The following CCDC15 variants were observed in gnomAD, a reference collection of about 807,000 sequenced individuals.
CCDC15 encodes coiled-coil domain containing 15.
CCDC15 carries 105 observed loss-of-function variants against 114.5 expected under a neutral mutation model. The observed-to-expected ratio is 0.92, with a 90% CI of 0.78 to 1.08. The LOEUF (loss-of-function observed/expected upper bound fraction) is 1.08. Among genes scored for constraint, CCDC15 ranks in the 50% least tolerant of loss-of-function variants. The pLI, the probability that CCDC15 is intolerant of heterozygous loss-of-function variation, is 0.00. For synonymous variants in CCDC15, 334 were observed against 377.8 expected, an observed-to-expected ratio of 0.88 and a Z score of 1.34; for missense variants, 1,105 against 1,093.6, an observed-to-expected ratio of 1.01 and a Z score of -0.15.
intron 13 of CCDC15, among the ~76,000 whole-genome samples, chr11:125,029,448 T>C (rs982010595): frequency 6.6e-5 from 10 of 152,222 alleles, no homozygotes; most frequent in Non-Finnish European, 1.0e-4. Context: ...AAAATACTAT[T>C]ACTTAAAGTT....
chr11:125,031,277 TC>T (rs1249231551), intron 13 of CCDC15, among the ~76,000 whole-genome samples: 1 of 152,202 alleles, frequency 6.6e-6, no homozygotes, highest in Non-Finnish European at 1.5e-5. Context: ...CAGGCCGTAG[TC>T]TTCTCTTCCT....
At chr11:124,972,731 T>G (rs938835317) in intron 4 of CCDC15, among the ~76,000 whole-genome samples, 9 of 152,162 alleles carry the variant, frequency 5.9e-5, no homozygotes, top group African/African-American at 1.9e-4. Context: ...AAAGTTTGTT[T>G]CTTGACATTT....
Position 124,954,904 on chromosome 11 carries a change from G to A in CCDC15, c.172G>A (p.Ala58Thr). Reference sequence around the variant, plus strand: ...CTCACCAGGTAGTTCGGAAATCCCAGCATATGTGAGTGTCAGTTTGATCCA... The same window carrying A: ...CTCACCAGGTAGTTCGGAAATCCCAACATATGTGAGTGTCAGTTTGATCCA... ...PASPGSSEIP[A>T]YTSAYLIEEE... Residue 58 changes from alanine (A) to threonine (T), a missense_variant, in exon 2 of 16, where the codon GCA becomes ACA. Physicochemically the swap from Ala to Thr is moderately conservative, Grantham distance 58 (BLOSUM62 0). Transcript: ENST00000344762. The A allele has an allele frequency of 1.2e-6, 2 of 1,613,880 alleles. No individual in the cohort carries two copies. Among genetic ancestry groups the A allele is most frequent in the South Asian group, 2.2e-5 (2 of 91,084 alleles).
intron 8 of CCDC15, among the ~76,000 whole-genome samples, chr11:124,989,428 G>A (rs1470448199): frequency 1.3e-5 from 2 of 152,188 alleles, no homozygotes; most frequent in African/African-American, 2.4e-5. Flanking sequence ...CGGGTCCTAG[G>A]ACTTTTGGAA....
Position 124,959,105 on chromosome 11 carries a change from A to T in CCDC15, c.178-10A>T. The T allele has an allele frequency of 1.3e-6, 2 of 1,534,372 alleles. No individual in the cohort carries two copies. The highest frequency in any genetic ancestry group is 2.6e-5 in the South Asian group (2 of 77,230). ...CATTTAAGTTCATTTTCTGTCTTTC[A>T]TCTTTAAAGACATCAGCATATTTAA... On this transcript the variant is annotated splice_polypyrimidine_tract_variant and intron_variant, in intron 2 of 15. Transcript: ENST00000344762.
chr11:124,962,797 G>A (rs1051608150), intron 4 of CCDC15, among the ~76,000 whole-genome samples: 4 of 151,958 alleles, frequency 2.6e-5, no homozygotes, highest in African/African-American at 7.3e-5. Flanking sequence ...ATCCCTCCCC[G>A]CTTCCCACCA....
intron 4 of CCDC15, among the ~76,000 whole-genome samples, chr11:124,962,341 G>A (rs1173544636): frequency 2.0e-5 from 3 of 152,182 alleles, no homozygotes; most frequent in African/African-American, 7.2e-5. Context: ...CTTGGAGTTG[G>A]AAGAGTTTCA....
rs371097318 is a variant in CCDC15, at chr11:124,975,121, G to A, written c.542G>A (p.Arg181His). 9.5e-6 allele frequency: 15 copies of A among 1,586,398 alleles called. No homozygotes were observed. In the African/African-American group the frequency reaches 1.1e-4, roughly 12 times the overall value. Residue 181 changes from arginine to histidine, a missense_variant, in exon 5 of 16, where the codon CGT becomes CAT. Transcript: ENST00000344762. ...QALSETMKQA[R>H]HRLASFKTVI... ...CTTAGTGAAACTATGAAACAGGCACGTCACCGGCTAGCATCCTTTAAAACC... is the reference window on the plus strand; with the variant it reads ...CTTAGTGAAACTATGAAACAGGCACATCACCGGCTAGCATCCTTTAAAACC...
At chr11:124,996,605 G>A (rs1948374239) in intron 11 of CCDC15, among the ~76,000 whole-genome samples, 1 of 152,150 alleles carries the variant, frequency 6.6e-6, no homozygotes, top group Non-Finnish European at 1.5e-5. Context: ...GTGGTGTTAA[G>A]TACACTCACA....
chr11:125,002,359 T>C (rs1948494471), intron 11 of CCDC15, among the ~76,000 whole-genome samples: 1 of 152,190 alleles, frequency 6.6e-6, no homozygotes, highest in Non-Finnish European at 1.5e-5. Context: ...TGCCTTTCAC[T>C]TTCTTGATGG....
In CCDC15 at chr11:124,987,675, C is replaced by T. The variant is rs771209493; in HGVS notation, c.1449C>T (p.Asp483=). The T allele has an allele frequency of 6.2e-7, 1 of 1,613,872 alleles. No homozygotes were observed. Among genetic ancestry groups the T allele is most frequent in the Non-Finnish European group, 8.5e-7 (1 of 1,179,846 alleles). Reference sequence around the variant, plus strand: ...AGGACCAGAATTTTTTATCTAGAGACCAGCATGTTCTCCCCAAAGACCAAG... The same window carrying T: ...AGGACCAGAATTTTTTATCTAGAGATCAGCATGTTCTCCCCAAAGACCAAG... ...LPKDQNFLSR[D]QHVLPKDQDI... Residue 483 remains aspartate, a synonymous_variant, in exon 8 of 16, where the codon GAC becomes GAT. Coordinates refer to ENST00000344762, the MANE Select transcript of CCDC15 (RefSeq NM_025004.3).
At chr11:124,975,413 G>A (rs1947956962) in intron 5 of CCDC15, among the ~76,000 whole-genome samples, 1 of 152,132 alleles carries the variant, frequency 6.6e-6, no homozygotes. Context: ...CTGAAGATAA[G>A]GGAAAGTGTC....
At chr11:124,975,795 C>T (rs2135459849) in intron 5 of CCDC15, among the ~76,000 whole-genome samples, 1 of 152,164 alleles carries the variant, frequency 6.6e-6, no homozygotes, top group South Asian at 2.1e-4. Context: ...AGGTGATTTT[C>T]TTCTGTTTTT....
At chr11:125,037,871 G>C (rs1468314499) in intron 13 of CCDC15, among the ~76,000 whole-genome samples, 3 of 151,600 alleles carry the variant, frequency 2.0e-5, no homozygotes, top group African/African-American at 4.8e-5. Flanking sequence ...CTGTTTACTT[G>C]TAGTTTCAAT....
At chr11:125,030,018 A>G (rs1591614234) in intron 13 of CCDC15, among the ~76,000 whole-genome samples, 1 of 152,176 alleles carries the variant, frequency 6.6e-6, no homozygotes, top group Non-Finnish European at 1.5e-5. Flanking sequence ...TCCAGGTAGC[A>G]ATCTTAACTT....
intron 4 of CCDC15, among the ~76,000 whole-genome samples, chr11:124,973,143 T>C (rs577509195): frequency 6.6e-6 from 1 of 152,248 alleles, no homozygotes; most frequent in South Asian, 2.1e-4. Context: ...TAATGTATAT[T>C]CTAGCTTTTG....
At chr11:124,998,010 G>A (rs1948404868) in intron 11 of CCDC15, among the ~76,000 whole-genome samples, 1 of 152,146 alleles carries the variant, frequency 6.6e-6, no homozygotes. Flanking sequence ...GGAAACTGGG[G>A]GAAAGGTAAT....
intron 5 of CCDC15, among the ~76,000 whole-genome samples, chr11:124,975,771 GGTA>G (rs899003206): frequency 1.3e-5 from 2 of 151,990 alleles, no homozygotes; most frequent in Non-Finnish European, 2.9e-5. Context: ...ATTATTTCTG[GGTA>G]GTAGTATTAC....
intron 6 of CCDC15, among the ~76,000 whole-genome samples, chr11:124,985,525 A>T (rs1489735045): frequency 6.6e-6 from 1 of 152,104 alleles, no homozygotes; most frequent in Admixed American, 6.5e-5. Context: ...ATCCTAGTAG[A>T]TGTGAATTGG....
Sources: gnomAD v4.1 joint callset for allele counts (sites outside exome capture counted in the v4.1 genomes callset) on GRCh38, gnomAD v4.1.1 for gene constraint, MANE v1.5 for transcripts, NCBI Gene and HGNC (gene_info 2026-07-23, HGNC 2026-07-21) for gene names.